The following TMEM266 variants were observed in gnomAD, a reference collection of about 807,000 sequenced individuals.
TMEM266 encodes Hv1 related protein 1.
Under a neutral mutation model 50.5 loss-of-function variants are expected in TMEM266, and 33 were observed. That is an observed-to-expected ratio of 0.65 (90% CI 0.50 to 0.87). The LOEUF (loss-of-function observed/expected upper bound fraction) is 0.87. Among genes scored for constraint, TMEM266 ranks in the 40% least tolerant of loss-of-function variants. The pLI is 0.00. For missense variants in TMEM266, 655 were observed against 695.1 expected (o/e 0.94, Z 0.65); for synonymous variants, 310 against 292.3 (o/e 1.06, Z -0.62).
intron 8 of TMEM266, among the ~76,000 whole-genome samples, chr15:76,190,245 C>T (rs888609377): frequency 2.6e-5 from 4 of 152,188 alleles, no homozygotes; most frequent in Non-Finnish European, 5.9e-5. Flanking sequence ...GAGAACGCGG[C>T]CCTGAGACCA....
chr15:76,157,385 G>A (rs116049433), intron 4 of TMEM266, among the ~76,000 whole-genome samples: 1,788 of 152,312 alleles, frequency 0.012, 33 homozygotes, highest in African/African-American at 0.04. Flanking sequence ...AAGAGGTATT[G>A]GAGCTGGGAC....
chr15:76,119,447 G>A (rs2037306883), intron 1 of TMEM266, among the ~76,000 whole-genome samples: 1 of 150,810 alleles, frequency 6.6e-6, no homozygotes, highest in African/African-American at 2.4e-5. Flanking sequence ...AGGGGGACTA[G>A]CTGTTGCTGA....
chr15:76,105,392 A>T (rs970766613), intron 1 of TMEM266, among the ~76,000 whole-genome samples: 1 of 152,200 alleles, frequency 6.6e-6, no homozygotes, highest in Non-Finnish European at 1.5e-5. Flanking sequence ...TGGTGCATCC[A>T]TACTTTGCTC....
chr15:76,079,374 AG>A (rs1265345073), intron 1 of TMEM266, among the ~76,000 whole-genome samples: 2 of 148,752 alleles, frequency 1.3e-5, no homozygotes, highest in African/African-American at 5.0e-5. Flanking sequence ...CAAAAGTCAC[AG>A]GAAGGCAGGT....
chr15:76,125,871 G>T (rs376160289), intron 1 of TMEM266, among the ~76,000 whole-genome samples: 32 of 150,320 alleles, frequency 2.1e-4, no homozygotes, highest in Admixed American at 9.3e-4. Context: ...AAAAGGCAGT[G>T]GGGGGGATGG....
chr15:76,157,303 C>A (rs2037942655), intron 4 of TMEM266, among the ~76,000 whole-genome samples: 2 of 152,020 alleles, frequency 1.3e-5, no homozygotes, highest in Admixed American at 6.6e-5. Context: ...GTGAGATGGG[C>A]GAGATGGATA....
At chr15:76,166,794 T>C (rs2038103908) in intron 5 of TMEM266, among the ~76,000 whole-genome samples, 1 of 152,136 alleles carries the variant, frequency 6.6e-6, no homozygotes, top group Non-Finnish European at 1.5e-5. Context: ...AGAGGTAGAA[T>C]AGGGAGTTAC....
At chr15:76,095,074 C>T (rs573337273) in intron 1 of TMEM266, among the ~76,000 whole-genome samples, 1 of 152,086 alleles carries the variant, frequency 6.6e-6, no homozygotes, top group Non-Finnish European at 1.5e-5. Flanking sequence ...GACAATTTGA[C>T]TTCCTCTCTT....
At chr15:76,100,167 A>G (rs911988949) in intron 1 of TMEM266, among the ~76,000 whole-genome samples, 10 of 152,216 alleles carry the variant, frequency 6.6e-5, no homozygotes, top group Non-Finnish European at 1.5e-4. Context: ...TACTCACCCA[A>G]GTTGACGTAG....
chr15:76,145,634 G>A (rs1261275177), intron 3 of TMEM266, among the ~76,000 whole-genome samples: 1 of 152,254 alleles, frequency 6.6e-6, no homozygotes, highest in Non-Finnish European at 1.5e-5. Context: ...ATGGGATAGT[G>A]TGAACATTAG....
chr15:76,180,655 C>T (rs912237521), intron 8 of TMEM266, among the ~76,000 whole-genome samples: 2 of 133,724 alleles, frequency 1.5e-5, no homozygotes, highest in Non-Finnish European at 3.1e-5. Flanking sequence ...ACTCTGTCAC[C>T]CAGGCTGGAG....
At chr15:76,130,236 A>C (rs2037486004) in intron 1 of TMEM266, among the ~76,000 whole-genome samples, 1 of 133,552 alleles carries the variant, frequency 7.5e-6, no homozygotes, top group Non-Finnish European at 1.6e-5. Flanking sequence ...AAAAAAAAAA[A>C]AAAAAAAAAA....
intron 1 of TMEM266, among the ~76,000 whole-genome samples, chr15:76,131,752 C>T (rs2037512300): frequency 6.6e-6 from 1 of 152,160 alleles, no homozygotes; most frequent in African/African-American, 2.4e-5. Context: ...CTGTCCATTT[C>T]TCCTTGGTGT....
At chr15:76,174,659 C>G (rs2038244612) in intron 7 of TMEM266, among the ~76,000 whole-genome samples, 2 of 152,230 alleles carry the variant, frequency 1.3e-5, no homozygotes, top group Non-Finnish European at 2.9e-5. Flanking sequence ...AGCCTACACT[C>G]ATCAGAGTCA....
chr15:76,081,610 ACACT>A (rs748405505), intron 1 of TMEM266, among the ~76,000 whole-genome samples: 5 of 152,336 alleles, frequency 3.3e-5, no homozygotes, highest in Non-Finnish European at 7.3e-5. Context: ...TCCAGGTCAG[ACACT>A]CACTGACAGT....
At chr15:76,197,735 G>A (rs1227140018) in intron 9 of TMEM266, among the ~76,000 whole-genome samples, 1 of 152,116 alleles carries the variant, frequency 6.6e-6, no homozygotes, top group African/African-American at 2.4e-5. Context: ...CTGGGCTTTG[G>A]GGCCTGGGTC....
intron 1 of TMEM266, among the ~76,000 whole-genome samples, chr15:76,130,836 T>G (rs1407467332): frequency 6.6e-6 from 1 of 152,188 alleles, no homozygotes; most frequent in Non-Finnish European, 1.5e-5. Flanking sequence ...TAAAAAAAAT[T>G]TTTCATAATC....
intron 5 of TMEM266, among the ~76,000 whole-genome samples, chr15:76,163,863 T>G (rs2038054170): frequency 6.6e-6 from 1 of 152,216 alleles, no homozygotes; most frequent in African/African-American, 2.4e-5. Flanking sequence ...CTGACTCTCC[T>G]CTCCCTCTCT....
At chr15:76,170,961 C>T in intron 6 of TMEM266, 32 bp from the exon 7 acceptor site, 1 of 1,602,542 alleles carries the variant, frequency 6.2e-7, no homozygotes, top group East Asian at 2.2e-5. Context: ...CACGGCAGGG[C>T]CCAGGGCACT....
Sources: gnomAD v4.1 joint callset for allele counts (sites outside exome capture counted in the v4.1 genomes callset) on GRCh38, gnomAD v4.1.1 for gene constraint, MANE v1.5 for transcripts, NCBI Gene and HGNC (gene_info 2026-07-23, HGNC 2026-07-21) for gene names.